Variants in ZNG1E observed in about 807,000 individuals in gnomAD.
ZNG1E encodes Zn regulated GTPase metalloprotein activator 1E.
chr9:65,677,622 C>T, the ZNG1E span, among the ~76,000 whole-genome samples: 2,704 of 146,284 alleles, frequency 0.018, no homozygotes, highest in African/African-American at 0.05. Context: ...TTAATTTATT[C>T]GTTGCATGTT....
At chr9:65,714,317 T>G in the ZNG1E span, among the ~76,000 whole-genome samples, 1 of 151,418 alleles carries the variant, frequency 6.6e-6, no homozygotes, top group African/African-American at 2.5e-5. Context: ...TCCCGTAGCT[T>G]GGAGTAATTT....
chr9:65,658,933 C>T, the ZNG1E span, among the ~76,000 whole-genome samples: 1 of 151,330 alleles, frequency 6.6e-6, no homozygotes, highest in Non-Finnish European at 1.5e-5. Context: ...CTCATTTTAC[C>T]TTAATTACCT....
At chr9:65,690,722 T>C in the ZNG1E span, 1 of 571,082 alleles carries the variant, frequency 1.8e-6, no homozygotes, top group African/African-American at 1.9e-5. Context: ...TATATGTGGT[T>C]AGAATTGGTC....
At chr9:65,683,872 T>C in the ZNG1E span, among the ~76,000 whole-genome samples, 3 of 152,398 alleles carry the variant, frequency 2.0e-5, no homozygotes, top group African/African-American at 4.8e-5. Flanking sequence ...CTTGGACTAA[T>C]ATGTTGGCGT....
the ZNG1E span, chr9:65,677,139 C>T: frequency 1.3e-6 from 2 of 1,546,540 alleles, no homozygotes; most frequent in African/African-American, 1.4e-5. Context: ...TATTCAAAGG[C>T]TGCTCTACTG....
chr9:65,659,425 G>T, the ZNG1E span, among the ~76,000 whole-genome samples: 1 of 151,458 alleles, frequency 6.6e-6, no homozygotes, highest in African/African-American at 2.4e-5. Flanking sequence ...AACCCAGGAG[G>T]TGGAGGTTGC....
At chr9:65,668,530 T>A in the ZNG1E span, among the ~76,000 whole-genome samples, 3 of 150,792 alleles carry the variant, frequency 2.0e-5, no homozygotes, top group African/African-American at 7.3e-5. Flanking sequence ...TATATGTGTG[T>A]GTATATATAT....
chr9:65,663,181 C>T, the ZNG1E span, among the ~76,000 whole-genome samples: 9 of 152,384 alleles, frequency 5.9e-5, no homozygotes, highest in African/African-American at 2.2e-4. Context: ...ACAAGTAGCT[C>T]CTCAGGCAAG....
chr9:65,680,978 T>C, the ZNG1E span, among the ~76,000 whole-genome samples: 6,007 of 149,320 alleles, frequency 0.04, 22 homozygotes, highest in African/African-American at 0.14. Context: ...TTAGTAGAGA[T>C]GAGGTTTCAT....
chr9:65,677,861 C>A, the ZNG1E span, among the ~76,000 whole-genome samples: 1 of 151,680 alleles, frequency 6.6e-6, no homozygotes, highest in Admixed American at 6.6e-5. Flanking sequence ...TGTGACTCCT[C>A]TGGCTAGATG....
the ZNG1E span, among the ~76,000 whole-genome samples, chr9:65,671,926 C>T: frequency 7.2e-6 from 1 of 139,092 alleles, no homozygotes; most frequent in African/African-American, 2.7e-5. Flanking sequence ...GACATTTGCT[C>T]TCTCTCTTAT....
At chr9:65,714,820 T>G in the ZNG1E span, among the ~76,000 whole-genome samples, 1 of 152,048 alleles carries the variant, frequency 6.6e-6, no homozygotes, top group Non-Finnish European at 1.5e-5. Context: ...ACAGGGACAC[T>G]TAAGTCTGCG....
At chr9:65,677,618 T>G in the ZNG1E span, among the ~76,000 whole-genome samples, 5 of 152,266 alleles carry the variant, frequency 3.3e-5, no homozygotes, top group Non-Finnish European at 5.9e-5. Flanking sequence ...CCCTTTAATT[T>G]ATTCGTTGCA....
the ZNG1E span, among the ~76,000 whole-genome samples, chr9:65,709,681 C>T: frequency 7.2e-6 from 1 of 138,940 alleles, no homozygotes; most frequent in East Asian, 2.1e-4. Context: ...AGGACATGAA[C>T]TCATCCTTTT....
the ZNG1E span, chr9:65,704,921 A>AG: frequency 7.2e-6 from 1 of 138,304 alleles, no homozygotes; most frequent in Non-Finnish European, 1.5e-5. Context: ...AAAAAAAAAA[A>AG]AAAAACAAAC....
the ZNG1E span, among the ~76,000 whole-genome samples, chr9:65,709,687 C>A: frequency 1.2e-4 from 16 of 138,020 alleles, no homozygotes; most frequent in Admixed American, 3.0e-4. Context: ...TGAACTCATC[C>A]TTTTTTATGG....
At chr9:65,687,839 T>C in the ZNG1E span, among the ~76,000 whole-genome samples, 3 of 151,080 alleles carry the variant, frequency 2.0e-5, no homozygotes, top group African/African-American at 7.2e-5. Flanking sequence ...TTCTTCTTTA[T>C]TTTTGAAATT....
At chr9:65,671,720 T>A in the ZNG1E span, among the ~76,000 whole-genome samples, 1 of 149,288 alleles carries the variant, frequency 6.7e-6, no homozygotes, top group African/African-American at 2.4e-5. Flanking sequence ...TCTTCTGTCT[T>A]CAGGAGAAGA....
At chr9:65,665,431 C>T in the ZNG1E span, among the ~76,000 whole-genome samples, 5 of 152,272 alleles carry the variant, frequency 3.3e-5, no homozygotes, top group East Asian at 1.9e-4. Flanking sequence ...CCTGCGGGTG[C>T]ACAGAAGTCA....
Sources: allele counts gnomAD v4.1 joint callset (sites outside exome capture counted in the v4.1 genomes callset), GRCh38; gene constraint gnomAD v4.1.1; transcripts MANE v1.5; gene names NCBI Gene and HGNC (gene_info 2026-07-23, HGNC 2026-07-21).